The following FER variants were observed in gnomAD, a reference collection of about 807,000 sequenced individuals.
FER encodes the protein FER tyrosine kinase, also known as tyrosine-protein kinase Fer.
In FER, 63 loss-of-function variants were observed where a neutral mutation model predicts 111.0. The observed-to-expected ratio is 0.57, with a 90% CI of 0.46 to 0.70. FER has a LOEUF of 0.70. FER is among the 30% of genes least tolerant of loss of function. The pLI is 0.00. For synonymous variants in FER, 327 were observed against 313.9 expected, an observed-to-expected ratio of 1.04 and a Z score of -0.44; for missense variants, 914 against 954.0, an observed-to-expected ratio of 0.96 and a Z score of 0.55.
chr5:109,015,166 A>G (rs116195818), intron 13 of FER, among the ~76,000 whole-genome samples: 13 of 152,108 alleles, frequency 8.5e-5, no homozygotes, highest in Non-Finnish European at 1.8e-4. Context: ...TTTCTAGCAC[A>G]TAGTAATATG....
At chr5:108,844,456 C>G (rs1344376645) in intron 5 of FER, among the ~76,000 whole-genome samples, 2 of 152,074 alleles carry the variant, frequency 1.3e-5, no homozygotes, top group African/African-American at 4.8e-5. Flanking sequence ...AAGAATTGCC[C>G]TTACCCTCTT....
intron 8 of FER, among the ~76,000 whole-genome samples, chr5:108,873,791 G>T (rs1561545004): frequency 6.6e-6 from 1 of 152,300 alleles, no homozygotes; most frequent in East Asian, 1.9e-4. Context: ...ATTAGCCGTA[G>T]ATGCTGCTAA....
chr5:108,844,077 C>T (rs1030138091), intron 5 of FER, among the ~76,000 whole-genome samples: 1 of 131,278 alleles, frequency 7.6e-6, no homozygotes, highest in Non-Finnish European at 1.7e-5. Context: ...TGTGTGTGAA[C>T]ATATATGCGT....
intron 9 of FER, chr5:108,891,537 C>T (rs566476236): frequency 5.5e-4 from 84 of 151,694 alleles, no homozygotes; most frequent in African/African-American, 2.0e-3. Context: ...CTGCACTTGA[C>T]TAGTCTTAAA....
intron 13 of FER, among the ~76,000 whole-genome samples, chr5:108,984,062 T>C (rs1762305177): frequency 6.6e-6 from 1 of 152,150 alleles, no homozygotes; most frequent in Non-Finnish European, 1.5e-5. Flanking sequence ...AAATGTATAC[T>C]CTGGGGACTC....
chr5:108,819,717 T>G lies in FER; in HGVS notation c.208-13053T>G, dbSNP rs557469883. 2.3e-5 allele frequency: 20 copies of G among 853,442 alleles called. No individual in the cohort carries two copies. In the South Asian group the frequency reaches 9.7e-4, roughly 41 times the overall value. 52.9% of individuals were successfully genotyped at this position (853,442 alleles called of 1,614,324 possible). A position where few individuals can be genotyped will look rare whatever the true frequency, so the allele number is the denominator to read the frequency against. ...GAAAGAACTAATGGAGACCATCAAT[T>G]CCACCTGTTCATTCTATGTGAGAGA... On this transcript the variant is annotated intron_variant, in intron 3 of 19. Transcript: ENST00000281092.
intron 17 of FER, among the ~76,000 whole-genome samples, chr5:109,128,901 C>G (rs1056007280): frequency 1.3e-5 from 2 of 151,890 alleles, no homozygotes; most frequent in African/African-American, 4.8e-5. Flanking sequence ...TGAAAAAGAA[C>G]TTTCCCATGT....
intron 5 of FER, among the ~76,000 whole-genome samples, chr5:108,840,514 C>G (rs1223876686): frequency 1.3e-5 from 2 of 151,110 alleles, no homozygotes; most frequent in Non-Finnish European, 2.9e-5. Context: ...AGTCCTCCTA[C>G]TTTTTACTCA....
chr5:108,841,396 G>C lies in FER; in HGVS notation c.481+5589G>C, dbSNP rs565726693. Among the ~76,000 whole-genome samples, 10 of 152,230 alleles carry C rather than the reference G, an allele frequency of 6.6e-5. No individual in the cohort carries two copies. In the South Asian group the frequency reaches 2.1e-3, roughly 32 times the overall value. On this transcript the variant is annotated intron_variant, in intron 5 of 19. Transcript: ENST00000281092. ...TAAAACAGTTTTGTGAATCCATAAA[G>C]CTTGTATCTGCACTAAGTAGTATAA...
chr5:108,908,233 G>T (rs1488123651), intron 10 of FER, among the ~76,000 whole-genome samples: 1 of 152,018 alleles, frequency 6.6e-6, no homozygotes, highest in Non-Finnish European at 1.5e-5. Context: ...ACCGGAAAAA[G>T]GAATAAAAGA....
intron 9 of FER, among the ~76,000 whole-genome samples, chr5:108,892,710 T>G (rs1345888628): frequency 2.0e-5 from 3 of 152,136 alleles, no homozygotes; most frequent in East Asian, 3.9e-4. Flanking sequence ...TGTTGCCATT[T>G]CTTTTGGTGT....
intron 17 of FER, among the ~76,000 whole-genome samples, chr5:109,139,916 A>G (rs1753344040): frequency 6.6e-6 from 1 of 152,216 alleles, no homozygotes; most frequent in African/African-American, 2.4e-5. Flanking sequence ...AATTAAACAC[A>G]GTATACTGCT....
At chr5:109,034,149 C>G (rs1770034109) in intron 13 of FER, among the ~76,000 whole-genome samples, 1 of 152,200 alleles carries the variant, frequency 6.6e-6, no homozygotes, top group Admixed American at 6.5e-5. Flanking sequence ...CTCAACCCCT[C>G]ACACCTCCTG....
At chr5:108,946,465 T>A (rs1408748559) in intron 11 of FER, among the ~76,000 whole-genome samples, 1 of 151,960 alleles carries the variant, frequency 6.6e-6, no homozygotes, top group Non-Finnish European at 1.5e-5. Context: ...GAAATAAACT[T>A]GAATTATAGG....
At chr5:109,154,250 T>C (rs1031715416) in intron 17 of FER, among the ~76,000 whole-genome samples, 1 of 151,914 alleles carries the variant, frequency 6.6e-6, no homozygotes, top group South Asian at 2.1e-4. Flanking sequence ...ACCAGAAGTA[T>C]GAAAACTGAA....
At chr5:108,793,076 A>G (rs1278045086) in intron 2 of FER, among the ~76,000 whole-genome samples, 1 of 152,184 alleles carries the variant, frequency 6.6e-6, no homozygotes, top group African/African-American at 2.4e-5. Flanking sequence ...ATTATTGACT[A>G]TAGTCACCCT....
At chr5:108,950,417 T>C (rs375377243) in intron 11 of FER, among the ~76,000 whole-genome samples, 2 of 152,252 alleles carry the variant, frequency 1.3e-5, no homozygotes, top group African/African-American at 4.8e-5. Context: ...AGAATGTAAA[T>C]ATTAGGTGAA....
chr5:109,101,944 CTG>C (rs1748280744), intron 17 of FER, among the ~76,000 whole-genome samples: 1 of 152,114 alleles, frequency 6.6e-6, no homozygotes, highest in Non-Finnish European at 1.5e-5. Context: ...GGGCTTTAAA[CTG>C]TAATAAATAC....
At chr5:109,187,362 TA>T (rs1387589201) in intron 19 of FER, 70 bp from the exon 20 acceptor site, 5 of 1,507,566 alleles carry the variant, frequency 3.3e-6, no homozygotes, top group Non-Finnish European at 4.5e-6. Flanking sequence ...AATAACTGCA[TA>T]ATGCCCTGTG....
Sources: gnomAD v4.1 joint callset for allele counts (sites outside exome capture counted in the v4.1 genomes callset) on GRCh38, gnomAD v4.1.1 for gene constraint, MANE v1.5 for transcripts, NCBI Gene and HGNC (gene_info 2026-07-23, HGNC 2026-07-21) for gene names.